The following DNAH8 variants were observed in gnomAD, a reference collection of about 807,000 sequenced individuals.
DNAH8 encodes axonemal beta dynein heavy chain 8.
Under a neutral mutation model 562.1 loss-of-function variants are expected in DNAH8, and 382 were observed. The ratio of observed to expected loss-of-function variants is 0.68; its 90% CI spans 0.63 to 0.74. DNAH8 has a LOEUF of 0.74. Ranked by LOEUF, DNAH8 falls within the 30% of genes least tolerant of loss-of-function variation. The pLI is 0.00. For synonymous variants in DNAH8, 1,881 were observed against 1,919.4 expected (o/e 0.98, Z 0.52); for missense variants, 5,203 against 5,620.4 (o/e 0.93, Z 2.37).
intron 1 of DNAH8, among the ~76,000 whole-genome samples, chr6:38,721,331 T>TAAACAAAC (rs34225597): frequency 8.6e-4 from 129 of 150,492 alleles, no homozygotes; most frequent in Admixed American, 2.5e-3. Context: ...ATAAAAATAA[T>TAAACAAAC]AAACAAACAA....
chr6:38,777,205 G>A (rs1768154907), intron 13 of DNAH8, among the ~76,000 whole-genome samples: 1 of 152,084 alleles, frequency 6.6e-6, no homozygotes, highest in Non-Finnish European at 1.5e-5. Flanking sequence ...GGCTGGTTAG[G>A]TAGGGTGGAG....
chr6:38,874,068 T>TTCTTTTTTTTTTTTTC (rs377254876), intron 52 of DNAH8, among the ~76,000 whole-genome samples: 1 of 57,062 alleles, frequency 1.8e-5, no homozygotes, highest in Non-Finnish European at 3.5e-5. Context: ...CTTTCTTTCT[T>TTCTTTTTTTTTTTTTC]TTTCTTTCTT....
chr6:38,729,598 T>A (rs1166397915), intron 3 of DNAH8, among the ~76,000 whole-genome samples: 1 of 152,232 alleles, frequency 6.6e-6, no homozygotes, highest in Non-Finnish European at 1.5e-5. Context: ...ATCTTAATAA[T>A]ACTTCTTTTT....
At chr6:38,832,562 T>A in intron 31 of DNAH8, 127 bp downstream of exon 31, 1 of 579,548 alleles carries the variant, frequency 1.7e-6, no homozygotes, top group Non-Finnish European at 3.1e-6. Flanking sequence ...TTTGCAGCTA[T>A]CAGAAAAAGG....
At chr6:38,809,692 G>A (rs1771623236) in intron 24 of DNAH8, among the ~76,000 whole-genome samples, 1 of 152,082 alleles carries the variant, frequency 6.6e-6, no homozygotes, top group South Asian at 2.1e-4. Flanking sequence ...ATTTTTGTTA[G>A]ATTTATTCCT....
At chr6:39,003,308 G>A (rs1765600073) in intron 88 of DNAH8, among the ~76,000 whole-genome samples, 1 of 152,198 alleles carries the variant, frequency 6.6e-6, no homozygotes, top group Non-Finnish European at 1.5e-5. Context: ...TTTGTAAGAT[G>A]CATCTCAGTG....
At chr6:38,772,029 CTTTTTTTTT>C (rs34980133) in intron 12 of DNAH8, among the ~76,000 whole-genome samples, 1 of 131,916 alleles carries the variant, frequency 7.6e-6, no homozygotes, top group Non-Finnish European at 1.6e-5. Context: ...TTTATGATTT[CTTTTTTTTT>C]TTTTTTTTGA....
At chr6:38,955,537 A>T (rs1762186595) in intron 82 of DNAH8, among the ~76,000 whole-genome samples, 1 of 152,066 alleles carries the variant, frequency 6.6e-6, no homozygotes, top group South Asian at 2.1e-4. Flanking sequence ...AGGCTGAGAC[A>T]TGAGAATAGC....
chr6:38,887,490 G>A lies in DNAH8; in HGVS notation c.8473+486G>A, dbSNP rs149548172. On this transcript the variant is annotated intron_variant, in intron 57 of 92. Coordinates refer to ENST00000327475, the MANE Select transcript of DNAH8 (RefSeq NM_001206927.2). Reference sequence around the variant, plus strand: ...GGAAGACCAAGGTGAGAGAATTGCTGGAGGCCAGGAGATCAAGAGCAGCCT... The same window carrying A: ...GGAAGACCAAGGTGAGAGAATTGCTAGAGGCCAGGAGATCAAGAGCAGCCT... Among the ~76,000 whole-genome samples, 6 of 152,252 alleles carry A rather than the reference G, an allele frequency of 3.9e-5. No individual in the cohort carries two copies. In the East Asian group the frequency reaches 1.2e-3, roughly 29 times the overall value.
chr6:38,905,343 C>T (rs187142177), intron 62 of DNAH8, among the ~76,000 whole-genome samples: 8 of 152,232 alleles, frequency 5.3e-5, no homozygotes, highest in African/African-American at 1.2e-4. Context: ...TACATTTAAC[C>T]GGAAACAGAG....
chr6:38,928,032 C>T (rs1782249843), intron 74 of DNAH8: 1 of 152,156 alleles, frequency 6.6e-6, no homozygotes, highest in South Asian at 2.1e-4. Flanking sequence ...CTGTGGTCAA[C>T]CTTGGCAGCT....
At position 38,775,940 on chromosome 6, in the gene DNAH8, A is replaced by G. The variant is rs1768019916; in HGVS notation, c.1951A>G (p.Asn651Asp). Reference sequence around the variant, plus strand: ...TTTCTTAGATTTCATGACAAAAATCAATGGTTTAGAGGTAAGTAATTATAC... The same window carrying G: ...TTTCTTAGATTTCATGACAAAAATCGATGGTTTAGAGGTAAGTAATTATAC... The part of the protein sequence containing the change: ...TDFLDFMTKI[N>D]GLEVQIQAFM... Residue 651 changes from asparagine to aspartate, a missense_variant, in exon 13 of 93, where the codon AAT (asparagine) becomes GAT (aspartate). This residue lies in a region of DNAH8 where 2,176 missense variants were observed against 2,365.1 expected (regional missense o/e 0.92). Coordinates refer to ENST00000327475, the MANE Select transcript of DNAH8 (RefSeq NM_001206927.2). The G allele has an allele frequency of 2.5e-6, 4 of 1,608,644 alleles. No individual in the cohort carries two copies. The African/African-American group carries it at 5.3e-5, about 21-fold the overall frequency.
At chr6:39,008,029 A>C (rs760314873) in intron 88 of DNAH8, among the ~76,000 whole-genome samples, 26 of 147,166 alleles carry the variant, frequency 1.8e-4, no homozygotes, top group Non-Finnish European at 5.9e-5. Context: ...AAATTCATGC[A>C]TCTCAGAGTG....
Position 38,896,142 on chromosome 6 carries a change from G to C in DNAH8, c.8857G>C (p.Val2953Leu). The change falls in exon 60 of 93, where the codon GTG becomes CTG. Residue 2953 changes from valine to leucine, a missense_variant. Physicochemically the swap from Val to Leu is conservative, Grantham distance 32 (BLOSUM62 1). Coordinates refer to ENST00000327475, the MANE Select transcript of DNAH8 (RefSeq NM_001206927.2). ...ASCILPEPYF[V>L]DFLREMPEPT... ...GTGTATTCTTCCTGAACCATACTTT[G>C]TGGATTTTCTTCGTGAGATGCCAGA... 6.2e-7 allele frequency: 1 copy of C among 1,614,088 alleles called. No individual in the cohort carries two copies. Among genetic ancestry groups the C allele is most frequent in the East Asian group, 2.2e-5 (1 of 44,866 alleles).
intron 24 of DNAH8, among the ~76,000 whole-genome samples, chr6:38,809,712 A>C (rs1771624296): frequency 6.6e-6 from 1 of 152,038 alleles, no homozygotes; most frequent in Admixed American, 6.5e-5. Context: ...TTGGCTATTC[A>C]TTGCTGATTT....
At chr6:38,818,049 G>A (rs751489138) in intron 26 of DNAH8, among the ~76,000 whole-genome samples, 18 of 152,064 alleles carry the variant, frequency 1.2e-4, no homozygotes, top group Middle Eastern at 6.8e-3. Flanking sequence ...TTATACTTTC[G>A]GGATTTAGAT....
At chr6:38,917,737 T>C (rs1781419050) in intron 69 of DNAH8, among the ~76,000 whole-genome samples, 188 bp from the exon 70 acceptor site, 1 of 152,226 alleles carries the variant, frequency 6.6e-6, no homozygotes, top group Non-Finnish European at 1.5e-5. Flanking sequence ...CTTTACTCTT[T>C]CCACATGGAA....
intron 8 of DNAH8, among the ~76,000 whole-genome samples, chr6:38,745,236 G>A (rs140322416): frequency 3.7e-4 from 57 of 152,278 alleles, no homozygotes; most frequent in African/African-American, 1.4e-3. Flanking sequence ...GGGAACAAAT[G>A]CAACTTAATG....
In DNAH8 at chr6:38,982,601, A is replaced by T. The variant is rs970442031; in HGVS notation, c.12951+139A>T. 5 of 589,318 alleles carry T rather than the reference A, an allele frequency of 8.5e-6. No individual in the cohort carries two copies. In the African/African-American group the frequency reaches 9.2e-5, roughly 11 times the overall value. 36.5% of individuals were successfully genotyped at this position (589,318 alleles called of 1,614,324 possible). A position where few individuals can be genotyped will look rare whatever the true frequency, so the allele number is the denominator to read the frequency against. On this transcript the variant is annotated intron_variant, in intron 86 of 92. Transcript: ENST00000327475. The stretch of plus-strand genomic sequence containing the variant: ...TTTGAAGGGACTTGTTGCTGTAATC[A>T]GGCACTTGCTGGGGCAGCCTGTCCC...
Sources: gnomAD v4.1 joint callset for allele counts (sites outside exome capture counted in the v4.1 genomes callset) on GRCh38, gnomAD v4.1.1 for gene constraint, gnomAD v4.1.1 regional missense constraint, MANE v1.5 for transcripts, NCBI Gene and HGNC (gene_info 2026-07-23, HGNC 2026-07-21) for gene names.